CADM2: variants seen among roughly 807,000 people sequenced by gnomAD.
CADM2 encodes the protein cell adhesion molecule 2.
In CADM2, 12 loss-of-function variants were observed where a neutral mutation model predicts 49.8. The ratio of observed to expected loss-of-function variants is 0.24; its 90% CI spans 0.15 to 0.39. CADM2 has a LOEUF of 0.39. CADM2 is among the 10% of genes least tolerant of loss of function. The pLI is 1.00. For missense variants in CADM2, 378 were observed against 492.3 expected (o/e 0.77, Z 2.20); for synonymous variants, 214 against 175.4 (o/e 1.22, Z -1.74).
At chr3:85,067,906 T>G (rs1278281326) in intron 1 of CADM2, among the ~76,000 whole-genome samples, 1 of 152,178 alleles carries the variant, frequency 6.6e-6, no homozygotes, top group East Asian at 1.9e-4. Flanking sequence ...CTGACACAGT[T>G]GGGGACTATT....
intron 1 of CADM2, among the ~76,000 whole-genome samples, chr3:85,636,293 A>G (rs1243233799): frequency 6.6e-6 from 1 of 152,188 alleles, no homozygotes; most frequent in African/African-American, 2.4e-5. Context: ...GCCTAGGCTA[A>G]TGTGTGTGTT....
At chr3:85,860,782 G>A (rs2075499121) in intron 3 of CADM2, among the ~76,000 whole-genome samples, 2 of 152,124 alleles carry the variant, frequency 1.3e-5, no homozygotes, top group South Asian at 4.1e-4. Context: ...TTGGAGGAAG[G>A]GGGACACAAA....
intron 1 of CADM2, among the ~76,000 whole-genome samples, chr3:85,333,937 A>C (rs1309942218): frequency 6.6e-6 from 1 of 151,740 alleles, no homozygotes; most frequent in African/African-American, 2.4e-5. Context: ...TGTACAATTC[A>C]CTTCCTTGGA....
intron 1 of CADM2, among the ~76,000 whole-genome samples, chr3:85,276,157 CA>C (rs1318386722): frequency 6.6e-6 from 1 of 151,142 alleles, no homozygotes; most frequent in Admixed American, 6.6e-5. Flanking sequence ...AAAGTTAAAA[CA>C]AAAACAAGCC....
At position 85,207,050 on chromosome 3, in the gene CADM2, ATGTGTGTGTG is replaced by A. The variant is rs3085116; in HGVS notation, c.61+247410_61+247419del. Among the ~76,000 whole-genome samples, 877 of 144,956 alleles carry A rather than the reference ATGTGTGTGTG, an allele frequency of 6.1e-3. 6 individuals are homozygous for A. The highest frequency in any genetic ancestry group is 0.021 in the African/African-American group (824 of 39,690). ...GAATCAGTTACTTTGGAAGAAATAA[ATGTGTGTGTG>A]TGTGTGTGTGTGTGTGTGTGTGTGT... On this transcript the variant is annotated intron_variant, in intron 1 of 9. Coordinates refer to ENST00000383699, the MANE Select transcript of CADM2 (RefSeq NM_001167675.2).
chr3:85,195,596 A>C (rs1403081073), intron 1 of CADM2, among the ~76,000 whole-genome samples: 3 of 151,820 alleles, frequency 2.0e-5, no homozygotes, highest in Non-Finnish European at 4.4e-5. Context: ...GATTCAAAAA[A>C]TGTCAGTAGA....
At chr3:85,020,542 G>A (rs2034452096) in intron 1 of CADM2, among the ~76,000 whole-genome samples, 1 of 152,162 alleles carries the variant, frequency 6.6e-6, no homozygotes, top group Middle Eastern at 3.4e-3. Context: ...GAATGAAACA[G>A]AAACATAGGT....
At position 85,883,311 on chromosome 3, in the gene CADM2, G is replaced by A. The variant is rs749203796; in HGVS notation, c.259G>A (p.Glu87Lys). The A allele has an allele frequency of 4.3e-6, 7 of 1,612,414 alleles. No individual in the cohort carries two copies. Among genetic ancestry groups the A allele is most frequent in the Admixed American group, 3.3e-5 (2 of 59,926 alleles). ...TCCAGCTTTAAGGGACAATAGGATC[G>A]AGCTGGTTCGCGCTTCCTGGCATGA... is the stretch of plus-strand genomic sequence containing the variant. ...DKKALRDNRI[E>K]LVRASWHELS... The change falls in exon 4 of 10, where the codon GAG becomes AAG. Residue 87 changes from glutamate (E) to lysine (K), a missense_variant. Coordinates refer to ENST00000383699, the MANE Select transcript of CADM2 (RefSeq NM_001167675.2).
At chr3:85,151,949 A>G (rs1382841226) in intron 1 of CADM2, among the ~76,000 whole-genome samples, 1 of 152,222 alleles carries the variant, frequency 6.6e-6, no homozygotes, top group East Asian at 1.9e-4. Flanking sequence ...CTTTTAGATC[A>G]TTGAATATCA....
intron 1 of CADM2, among the ~76,000 whole-genome samples, chr3:85,428,329 AT>A (rs1429880541): frequency 2.0e-5 from 3 of 146,484 alleles, no homozygotes; most frequent in African/African-American, 7.4e-5. Context: ...ATGATATATA[AT>A]ATATATATTA....
chr3:85,347,713 C>T (rs760000832), intron 1 of CADM2, among the ~76,000 whole-genome samples: 7 of 150,434 alleles, frequency 4.7e-5, no homozygotes, highest in Non-Finnish European at 8.9e-5. Context: ...GAGATTTCCA[C>T]TCACTGCAAC....
intron 1 of CADM2, among the ~76,000 whole-genome samples, chr3:85,404,225 C>T (rs2035262493): frequency 6.6e-6 from 1 of 152,036 alleles, no homozygotes; most frequent in South Asian, 2.1e-4. Context: ...ACCATCATCC[C>T]ACCACCTCAC....
At chr3:85,876,110 A>T (rs1711795866) in intron 3 of CADM2, among the ~76,000 whole-genome samples, 1 of 152,148 alleles carries the variant, frequency 6.6e-6, no homozygotes, top group Non-Finnish European at 1.5e-5. Flanking sequence ...CTGGTTGGAG[A>T]TTAAATACAT....
chr3:85,947,990 T>A (rs1360051126), intron 7 of CADM2, among the ~76,000 whole-genome samples: 1 of 151,548 alleles, frequency 6.6e-6, no homozygotes, highest in Non-Finnish European at 1.5e-5. Context: ...ACCAAACATG[T>A]CTCAATACAT....
chr3:85,669,211 C>G (rs1171947774), intron 1 of CADM2, among the ~76,000 whole-genome samples: 2 of 151,924 alleles, frequency 1.3e-5, no homozygotes, highest in African/African-American at 4.8e-5. Flanking sequence ...AAAAAATAAG[C>G]CTTAACAAGT....
chr3:85,551,974 A>T (rs188418424), intron 1 of CADM2, among the ~76,000 whole-genome samples: 252 of 151,126 alleles, frequency 1.7e-3, no homozygotes, highest in African/African-American at 5.6e-3. Flanking sequence ...TTGTGATTAT[A>T]TACACTTTTT....
chr3:85,069,835 A>G (rs1364062688), intron 1 of CADM2, among the ~76,000 whole-genome samples: 1 of 152,100 alleles, frequency 6.6e-6, no homozygotes, highest in Non-Finnish European at 1.5e-5. Flanking sequence ...CTTTGACTAT[A>G]AGTGTTTCTG....
chr3:85,990,042 A>AAAAAAAAAAAAAAAAAAACAAAG (rs1436572625), intron 8 of CADM2, among the ~76,000 whole-genome samples: 1 of 108,002 alleles, frequency 9.3e-6, no homozygotes, highest in Non-Finnish European at 2.0e-5. Flanking sequence ...AAAAAAAAAA[A>AAAAAAAAAAAAAAAAAAACAAAG]AAGAAGACTA....
At position 85,851,764 on chromosome 3, in the gene CADM2, C is replaced by T. The variant is rs1010434708; in HGVS notation, c.239-31527C>T. On this transcript the variant is annotated intron_variant, in intron 3 of 9. Transcript: ENST00000383699. ...TGGGATATTCAGAACTAGACAGAATCTAGAGAGATTTTAGAAGTAGAATCT... is the reference window on the plus strand; with the variant it reads ...TGGGATATTCAGAACTAGACAGAATTTAGAGAGATTTTAGAAGTAGAATCT... 2.0e-5 allele frequency among the ~76,000 whole-genome samples: 3 copies of T among 151,314 alleles called. No individual in the cohort carries two copies. In the South Asian group the frequency reaches 6.3e-4, roughly 32 times the overall value.
Sources: allele counts gnomAD v4.1 joint callset (sites outside exome capture counted in the v4.1 genomes callset), GRCh38; gene constraint gnomAD v4.1.1; transcripts MANE v1.5; gene names NCBI Gene and HGNC (gene_info 2026-07-23, HGNC 2026-07-21).